Variants in ALK observed in about 807,000 individuals in gnomAD.
ALK encodes the protein ALK tyrosine kinase receptor.
ALK carries 74 observed loss-of-function variants against 163.1 expected under a neutral mutation model. The ratio of observed to expected loss-of-function variants is 0.45; its 90% CI spans 0.38 to 0.55. ALK has a LOEUF of 0.55. ALK is among the 20% of genes least tolerant of loss of function. ALK has a pLI of 0.00. For missense variants in ALK, 2,063 were observed against 2,105.3 expected (o/e 0.98, Z 0.39); for synonymous variants, 960 against 843.2 (o/e 1.14, Z -2.40).
Position 29,831,266 on chromosome 2 carries a change from GAAGAAGAAGAAGAAGAA to G in ALK, c.667+88710_667+88726del, listed in dbSNP as rs1665409123. 2.8e-4 allele frequency among the ~76,000 whole-genome samples: 25 copies of G among 89,830 alleles called. 5 individuals are homozygous for G. The highest frequency in any genetic ancestry group is 8.5e-4 in the African/African-American group (22 of 25,986). The allele number at this position is 89,830 out of a possible 152,430, so 58.9% of individuals were successfully genotyped here. A position where few individuals can be genotyped will look rare whatever the true frequency, so the allele number is the denominator to read the frequency against. ...AGAAGAGGAAGAGGAAGAGGAAGAA[GAAGAAGAAGAAGAAGAA>G]GAAGAAGAAGAAGAAGAAGAAGAAG... On this transcript the variant is annotated intron_variant, in intron 1 of 28. Transcript: ENST00000389048.
intron 4 of ALK, among the ~76,000 whole-genome samples, chr2:29,462,016 A>C (rs1175428767): frequency 6.6e-6 from 1 of 152,176 alleles, no homozygotes; most frequent in Non-Finnish European, 1.5e-5. Context: ...GAGGGGTTTA[A>C]GACTTCATTG....
intron 4 of ALK, among the ~76,000 whole-genome samples, chr2:29,499,373 T>C (rs1672110831): frequency 6.6e-6 from 1 of 152,156 alleles, no homozygotes; most frequent in Admixed American, 6.5e-5. Flanking sequence ...ATTTTTTGTA[T>C]TTTTAGTAAA....
intron 4 of ALK, among the ~76,000 whole-genome samples, chr2:29,407,557 T>G (rs1038740785): frequency 6.6e-6 from 1 of 152,258 alleles, no homozygotes; most frequent in Non-Finnish European, 1.5e-5. Flanking sequence ...ACCACTGCTC[T>G]TAACTGTTAC....
intron 3 of ALK, among the ~76,000 whole-genome samples, chr2:29,609,206 G>A (rs909126488): frequency 6.6e-6 from 1 of 152,180 alleles, no homozygotes; most frequent in African/African-American, 2.4e-5. Flanking sequence ...TTACAGGTGT[G>A]AGCCACCATG....
In ALK at chr2:29,717,586, C is replaced by T. The variant is rs1679298966; in HGVS notation, c.779G>A (p.Ser260Asn). Residue 260 changes from serine (S) to asparagine (N), a missense_variant, in exon 2 of 29, where the codon AGC becomes AAC. This residue lies in a region of ALK where 987 missense variants were observed against 939.5 expected (regional missense o/e 1.05). Transcript: ENST00000389048. Reference sequence around the variant, plus strand: ...ATTAAACATATACTTACCATATCGGCTGCGATGAGACAGGAAAGGGAAGGA... The same window carrying T: ...ATTAAACATATACTTACCATATCGGTTGCGATGAGACAGGAAAGGGAAGGA... The part of the protein sequence containing the change: ...KDSFPFLSHR[S>N]RYGLECSFDF... The T allele has an allele frequency of 6.2e-7, 1 of 1,613,974 alleles. No individual in the cohort carries two copies. Among genetic ancestry groups the T allele is most frequent in the African/African-American group, 1.3e-5 (1 of 74,990 alleles).
chr2:29,318,061 A>C (rs1258227566), intron 8 of ALK, among the ~76,000 whole-genome samples: 1 of 152,326 alleles, frequency 6.6e-6, no homozygotes, highest in East Asian at 1.9e-4. Context: ...TGATTAAATC[A>C]TGGTTCTACT....
At chr2:29,795,993 T>C (rs1664300466) in intron 1 of ALK, among the ~76,000 whole-genome samples, 1 of 152,094 alleles carries the variant, frequency 6.6e-6, no homozygotes, top group African/African-American at 2.4e-5. Flanking sequence ...TTTTCCTTCC[T>C]AATCTCTCTC....
chr2:29,547,004 C>G (rs1333620071), intron 3 of ALK, among the ~76,000 whole-genome samples: 4 of 152,186 alleles, frequency 2.6e-5, no homozygotes, highest in African/African-American at 9.7e-5. Flanking sequence ...TGCTGCCACT[C>G]TGGGAGAGCT....
chr2:29,747,326 C>T (rs111499785), intron 1 of ALK, among the ~76,000 whole-genome samples: 22 of 152,236 alleles, frequency 1.4e-4, no homozygotes, highest in African/African-American at 5.3e-4. Flanking sequence ...TTTTCATATT[C>T]AAATCTAAAA....
Position 29,717,651 on chromosome 2 carries a change from A to C in ALK, c.714T>G (p.Pro238=), listed in dbSNP as rs1269127829. ...AGGTGAGATTCCATGTAAAATAATC[A>C]GGAGAAGGAGAAGGCATGTTTGTTG... ...ESPTNMPSPS[P]DYFTWNLTWI... The change falls in exon 2 of 29, where the codon CCT becomes CCG. Residue 238 remains proline (P), a synonymous_variant. Coordinates refer to ENST00000389048, the MANE Select transcript of ALK (RefSeq NM_004304.5). 1 of 1,613,858 alleles carries C rather than the reference A, an allele frequency of 6.2e-7. No homozygotes were observed. The highest frequency in any genetic ancestry group is 1.3e-5 in the African/African-American group (1 of 74,934).
At chr2:29,406,113 G>A (rs1247453922) in intron 4 of ALK, among the ~76,000 whole-genome samples, 1 of 152,216 alleles carries the variant, frequency 6.6e-6, no homozygotes, top group Non-Finnish European at 1.5e-5. Flanking sequence ...TAATTGCAGA[G>A]CCGACAAGGC....
At chr2:29,574,302 C>T (rs1325517970) in intron 3 of ALK, among the ~76,000 whole-genome samples, 1 of 152,192 alleles carries the variant, frequency 6.6e-6, no homozygotes, top group African/African-American at 2.4e-5. Context: ...TCTCCATCCA[C>T]CTTCCAGGAC....
chr2:29,420,097 C>T lies in ALK; in HGVS notation c.1155-36238G>A, dbSNP rs1669979640. On this transcript the variant is annotated intron_variant, in intron 4 of 28. Transcript: ENST00000389048. The stretch of plus-strand genomic sequence containing the variant: ...GCTTGAATTTGGGAGGTTGAGGCTG[C>T]TGTGAGTTGGGATGGTGCCACTGCA... 1.4e-5 allele frequency among the ~76,000 whole-genome samples: 2 copies of T among 142,080 alleles called. 1 individual carries two copies. Among genetic ancestry groups the T allele is most frequent in the Admixed American group, 1.5e-4 (2 of 13,476 alleles). 93.2% of individuals were successfully genotyped at this position (142,080 alleles called of 152,430 possible).
chr2:29,341,618 T>C (rs1667793995), intron 5 of ALK, among the ~76,000 whole-genome samples: 1 of 151,944 alleles, frequency 6.6e-6, no homozygotes, highest in African/African-American at 2.4e-5. Flanking sequence ...CAAGACTCCA[T>C]CTCTCAAAAA....
At chr2:29,299,542 T>A (rs758601559) in intron 8 of ALK, among the ~76,000 whole-genome samples, 3 of 152,334 alleles carry the variant, frequency 2.0e-5, no homozygotes, top group African/African-American at 4.8e-5. Context: ...TTCTCTAAGA[T>A]GAGAATAGTT....
At chr2:29,581,760 C>T (rs1426370544) in intron 3 of ALK, among the ~76,000 whole-genome samples, 1 of 152,120 alleles carries the variant, frequency 6.6e-6, no homozygotes, top group African/African-American at 2.4e-5. Context: ...GGAAGGAGTT[C>T]CTTTCTTCTC....
intron 26 of ALK, among the ~76,000 whole-genome samples, chr2:29,200,761 GTA>G (rs1360660368): frequency 3.8e-4 from 4 of 10,462 alleles, no homozygotes; most frequent in Middle Eastern, 0.032. Flanking sequence ...ACGTATATAT[GTA>G]TATATATACG....
chr2:29,656,837 C>T (rs568045788), intron 3 of ALK, among the ~76,000 whole-genome samples: 62 of 152,238 alleles, frequency 4.1e-4, no homozygotes, highest in Non-Finnish European at 7.4e-4. Flanking sequence ...TTTATCCTTG[C>T]TCCTCATTCT....
rs370435082 is a variant in ALK, at chr2:29,251,236, G to C, written c.2073C>G (p.Ser691Arg). 7.4e-6 allele frequency: 12 copies of C among 1,613,680 alleles called. No homozygotes were observed. Among genetic ancestry groups the C allele is most frequent in the Admixed American group, 5.0e-5 (3 of 59,976 alleles). Reference sequence around the variant, plus strand: ...GTGCCTGGGTGGGGCCATGGGGCCCGCTGGCCCCACATGTGGTGAACAGCC... The same window carrying C: ...GTGCCTGGGTGGGGCCATGGGGCCCCCTGGCCCCACATGTGGTGAACAGCC... ...VHWLFTTCGA[S>R]GPHGPTQAQC... The change falls in exon 12 of 29, where the codon AGC becomes AGG. Residue 691 changes from serine to arginine, a missense_variant. Physicochemically the swap from Ser to Arg is moderately radical, Grantham distance 110. Around this residue, in one of 5 missense-constraint regions of ALK, gnomAD observed 987 missense variants for 939.5 expected, o/e 1.05. Transcript: ENST00000389048.
Sources: allele counts gnomAD v4.1 joint callset (sites outside exome capture counted in the v4.1 genomes callset), GRCh38; gene constraint gnomAD v4.1.1; regional missense constraint gnomAD v4.1.1; transcripts MANE v1.5; gene names NCBI Gene and HGNC (gene_info 2026-07-23, HGNC 2026-07-21).